Variants in CSRNP3 observed in about 807,000 individuals in gnomAD.
The protein encoded by CSRNP3 is cysteine/serine-rich nuclear protein 3.
In CSRNP3, 12 loss-of-function variants were observed where a neutral mutation model predicts 48.0. The observed-to-expected ratio is 0.25, with a 90% CI of 0.16 to 0.41. The LOEUF (loss-of-function observed/expected upper bound fraction) is 0.41. Among genes scored for constraint, CSRNP3 ranks in the 10% least tolerant of loss-of-function variants. The pLI is 1.00. For missense variants in CSRNP3, 580 were observed against 724.4 expected (o/e 0.80, Z 2.29); for synonymous variants, 263 against 269.7 (o/e 0.98, Z 0.24).
At chr2:165,581,501 G>A (rs2105283235) in intron 3 of CSRNP3, among the ~76,000 whole-genome samples, 2 of 152,106 alleles carry the variant, frequency 1.3e-5, no homozygotes, top group Non-Finnish European at 2.9e-5. Context: ...TTGTATCAGA[G>A]CCTATGTTTT....
intron 4 of CSRNP3, among the ~76,000 whole-genome samples, chr2:165,599,350 G>A (rs554728424): frequency 1.1e-3 from 145 of 133,482 alleles, no homozygotes; most frequent in African/African-American, 4.0e-3. Flanking sequence ...AAAGAAAGAC[G>A]AAAGGAAGTA....
At chr2:165,562,761 T>C (rs989553555) in intron 3 of CSRNP3, among the ~76,000 whole-genome samples, 1 of 152,198 alleles carries the variant, frequency 6.6e-6, no homozygotes, top group Non-Finnish European at 1.5e-5. Context: ...GCCTTTGTTC[T>C]TGAGATTGTA....
chr2:165,515,801 CTTTTTT>C (rs532831528), intron 2 of CSRNP3, among the ~76,000 whole-genome samples: 3 of 106,094 alleles, frequency 2.8e-5, no homozygotes, highest in Non-Finnish European at 1.8e-5. Flanking sequence ...CTTTTCCTTT[CTTTTTT>C]TTTTTTTTTT....
chr2:165,531,261 C>G lies in CSRNP3; in HGVS notation c.-24+13300C>G, dbSNP rs142281221. On this transcript the variant is annotated intron_variant, in intron 3 of 6. Coordinates refer to ENST00000651982, the MANE Select transcript of CSRNP3 (RefSeq NM_001172173.2). ...TTCAGAGTCTATCCTTATCTTCCTA[C>G]TCCACCCTCTTCCCATTACCATTTT... Among the ~76,000 whole-genome samples, 733 of 152,262 alleles carry G rather than the reference C, an allele frequency of 4.8e-3. 9 individuals are homozygous for G. Among genetic ancestry groups the G allele is most frequent in the African/African-American group, 0.016 (663 of 41,556 alleles).
At chr2:165,567,599 T>A (rs1685315334) in intron 3 of CSRNP3, among the ~76,000 whole-genome samples, 1 of 152,088 alleles carries the variant, frequency 6.6e-6, no homozygotes, top group South Asian at 2.1e-4. Flanking sequence ...AGGGTAAAAC[T>A]CCAGTAGGCT....
At chr2:165,616,299 AATG>A (rs1201045630) in intron 4 of CSRNP3, among the ~76,000 whole-genome samples, 2 of 152,114 alleles carry the variant, frequency 1.3e-5, no homozygotes, top group African/African-American at 4.8e-5. Flanking sequence ...GTTTTTCTGT[AATG>A]ATAACATTTA....
intron 1 of CSRNP3, among the ~76,000 whole-genome samples, chr2:165,489,470 C>G (rs1684171163): frequency 1.6e-5 from 2 of 121,772 alleles, no homozygotes; most frequent in South Asian, 6.3e-4. Context: ...ATTCTGATAC[C>G]AAAGCCGGGC....
chr2:165,579,621 A>T (rs1244872398), intron 3 of CSRNP3, among the ~76,000 whole-genome samples: 1 of 152,182 alleles, frequency 6.6e-6, no homozygotes, highest in East Asian at 1.9e-4. Context: ...AGCCAATGTT[A>T]CTATGGGGCA....
intron 3 of CSRNP3, among the ~76,000 whole-genome samples, chr2:165,530,439 GA>G (rs1684796111): frequency 6.6e-6 from 1 of 152,002 alleles, no homozygotes; most frequent in Non-Finnish European, 1.5e-5. Context: ...AAAATGTAAA[GA>G]AAAACCATCT....
chr2:165,530,742 T>C (rs1166222236), intron 3 of CSRNP3, among the ~76,000 whole-genome samples: 1 of 152,116 alleles, frequency 6.6e-6, no homozygotes, highest in Non-Finnish European at 1.5e-5. Context: ...TTCTTTAGAT[T>C]TTTAACATCA....
At chr2:165,678,358 AT>A (rs758137042) in intron 6 of CSRNP3, among the ~76,000 whole-genome samples, 11 of 152,156 alleles carry the variant, frequency 7.2e-5, no homozygotes, top group Non-Finnish European at 1.5e-4. Flanking sequence ...AGACAGGAGC[AT>A]TCAAAACATG....
intron 4 of CSRNP3, among the ~76,000 whole-genome samples, chr2:165,626,000 A>T (rs1221450207): frequency 1.3e-5 from 2 of 151,420 alleles, no homozygotes; most frequent in African/African-American, 4.8e-5. Context: ...AGGTGGGTGG[A>T]TTGCCTGAGG....
At chr2:165,490,032 T>C (rs1456259497) in intron 1 of CSRNP3, among the ~76,000 whole-genome samples, 1 of 152,082 alleles carries the variant, frequency 6.6e-6, no homozygotes, top group Non-Finnish European at 1.5e-5. Flanking sequence ...ATGACATGAT[T>C]GTTTATCTAG....
Position 165,649,033 on chromosome 2 carries a change from G to C in CSRNP3, c.149-8728G>C, listed in dbSNP as rs1245416871. Among the ~76,000 whole-genome samples, 4 of 152,272 alleles carry C rather than the reference G, an allele frequency of 2.6e-5. No homozygotes were observed. The East Asian group carries it at 7.7e-4, about 29-fold the overall frequency. On this transcript the variant is annotated intron_variant, in intron 4 of 6. Transcript: ENST00000651982. The stretch of plus-strand genomic sequence containing the variant: ...TCATGCATATCTCTTGCTTGCTTGT[G>C]TGGACGTAACTGACAGACTGAATGG...
chr2:165,533,280 A>G (rs898494157), intron 3 of CSRNP3, among the ~76,000 whole-genome samples: 1 of 152,112 alleles, frequency 6.6e-6, no homozygotes, highest in Non-Finnish European at 1.5e-5. Context: ...TATGGCATGA[A>G]TAACAGTTGT....
rs1177906132 is a variant in CSRNP3 at position 165,681,794 on chromosome 2, C to CAT, written c.*2046_*2047dup. ...ACACACACATACACATATATATACA[C>CAT]ATATATGTATGTGTGTGTGTGTGTG... On this transcript the variant is annotated 3_prime_UTR_variant, in exon 7 of 7. Coordinates refer to ENST00000651982, the MANE Select transcript of CSRNP3 (RefSeq NM_001172173.2). The CAT allele has an allele frequency of 1.6e-5, 2 of 126,536 alleles. No homozygotes were observed. Among genetic ancestry groups the CAT allele is most frequent in the Non-Finnish European group, 3.3e-5 (2 of 60,998 alleles). 7.8% of individuals were successfully genotyped at this position (126,536 alleles called of 1,614,324 possible). A position where few individuals can be genotyped will look rare whatever the true frequency, so the allele number is the denominator to read the frequency against.
intron 4 of CSRNP3, among the ~76,000 whole-genome samples, chr2:165,615,089 G>A (rs1168782681): frequency 9.9e-5 from 15 of 152,158 alleles, no homozygotes; most frequent in Admixed American, 4.6e-4. Flanking sequence ...GGTCTATACT[G>A]AAGTTAAGTT....
chr2:165,535,042 T>C (rs73029804), intron 3 of CSRNP3, among the ~76,000 whole-genome samples: 3,182 of 151,916 alleles, frequency 0.021, 108 homozygotes, highest in African/African-American at 0.073. Context: ...GGCTTGGCTA[T>C]TGATACTGTA....
chr2:165,501,707 A>G (rs1192532068), intron 2 of CSRNP3, among the ~76,000 whole-genome samples: 4 of 152,180 alleles, frequency 2.6e-5, no homozygotes, highest in African/African-American at 4.8e-5. Flanking sequence ...AAAAGATTCA[A>G]TTGATGAAAT....
Sources: allele counts gnomAD v4.1 joint callset (sites outside exome capture counted in the v4.1 genomes callset), GRCh38; gene constraint gnomAD v4.1.1; transcripts MANE v1.5; gene names NCBI Gene and HGNC (gene_info 2026-07-23, HGNC 2026-07-21).